The following CCNF variants were observed in gnomAD, a reference collection of about 807,000 sequenced individuals.
CCNF encodes cyclin F.
In CCNF, 30 loss-of-function variants were observed where a neutral mutation model predicts 85.4. The observed-to-expected ratio is 0.35, with a 90% CI of 0.26 to 0.48. The LOEUF (loss-of-function observed/expected upper bound fraction) is 0.48, where lower values mean the gene tolerates loss of function less well. CCNF is among the 20% of genes least tolerant of loss of function. The pLI is 0.99. For synonymous variants in CCNF, 439 were observed against 425.1 expected (o/e 1.03, Z -0.40); for missense variants, 919 against 1,010.4 (o/e 0.91, Z 1.23).
intron 9 of CCNF, among the ~76,000 whole-genome samples, chr16:2,444,927 C>T (rs563045067): frequency 8.1e-5 from 12 of 147,682 alleles, no homozygotes; most frequent in Admixed American, 1.4e-4. Context: ...GGCAGGCTGT[C>T]TGTCACCCAG....
intron 2 of CCNF, among the ~76,000 whole-genome samples, 166 bp downstream of exon 2, chr16:2,431,450 G>C (rs1016938098): frequency 3.9e-5 from 6 of 152,110 alleles, no homozygotes; most frequent in African/African-American, 1.2e-4. Flanking sequence ...GGCCGAAGGG[G>C]GGTGGATCAC....
At position 2,431,229 on chromosome 16, in the gene CCNF, T is replaced by C; in HGVS notation, c.116T>C (p.Val39Ala). Reference protein sequence around the residue: ...NLTILSLPEDVLFHILKWLSV... With the variant: ...NLTILSLPEDALFHILKWLSV... The stretch of plus-strand genomic sequence containing the variant: ...ACCATCTTGAGTCTCCCCGAAGATG[T>C]GCTCTTTCACATCCTGAAATGGCTT... The change falls in exon 2 of 17, where the codon GTG becomes GCG. Residue 39 changes from valine to alanine, a missense_variant. Coordinates refer to ENST00000397066, the MANE Select transcript of CCNF (RefSeq NM_001761.3). The C allele has an allele frequency of 6.2e-7, 1 of 1,614,172 alleles. No individual in the cohort carries two copies. The highest frequency in any genetic ancestry group is 1.1e-5 in the South Asian group (1 of 91,086).
intron 5 of CCNF, 166 bp from the exon 6 acceptor site, chr16:2,437,904 A>AT (rs1491373949): frequency 1.8e-5 from 1 of 54,306 alleles, no homozygotes; most frequent in East Asian, 2.4e-4. Flanking sequence ...GTTTCCCTTT[A>AT]AAAAAAAAAA....
At chr16:2,442,660 TATATA>T (rs1485905188) in intron 8 of CCNF, among the ~76,000 whole-genome samples, 1 of 22,488 alleles carries the variant, frequency 4.4e-5, no homozygotes, top group Non-Finnish European at 5.9e-5. Context: ...TTATATATAA[TATATA>T]ATATTATATA....
In CCNF at chr16:2,435,759, G is replaced by A. The variant is rs187867648; in HGVS notation, c.279-47G>A. On this transcript the variant is annotated intron_variant, in intron 3 of 16. Transcript: ENST00000397066. ...TTCAAGTGCTGTAGTAGTTCATAAC[G>A]TTTGTGGCATAAAATATTGTGATGC... 4.7e-4 allele frequency: 681 copies of A among 1,444,702 alleles called. 1 individual carries two copies. Among genetic ancestry groups the A allele is most frequent in the South Asian group, 8.4e-4 (73 of 87,330 alleles). 89.5% of individuals were successfully genotyped at this position (1,444,702 alleles called of 1,614,324 possible).
intron 8 of CCNF, among the ~76,000 whole-genome samples, chr16:2,440,113 C>T (rs1369794303): frequency 1.3e-5 from 2 of 152,226 alleles, no homozygotes; most frequent in African/African-American, 4.8e-5. Flanking sequence ...TAGCTGCTGT[C>T]AAAATTTGTG....
chr16:2,433,057 C>T lies in CCNF; in HGVS notation c.268C>T (p.Leu90Phe). 6.2e-7 allele frequency: 1 copy of T among 1,606,226 alleles called. No individual in the cohort carries two copies. Among genetic ancestry groups the T allele is most frequent in the Non-Finnish European group, 8.5e-7 (1 of 1,173,914 alleles). ...ELWPSPGNLK[L>F]FERAAEKGNF... ...GTGGCCGTCTCCAGGGAACCTGAAG[C>T]TCTTTGAAAGGTATCTCTGCACCCT... is the stretch of plus-strand genomic sequence containing the variant. The change falls in exon 3 of 17, where the codon CTC becomes TTC. Residue 90 changes from leucine to phenylalanine, a missense_variant. Coordinates refer to ENST00000397066, the MANE Select transcript of CCNF (RefSeq NM_001761.3).
Position 2,458,504 on chromosome 16 carries a change from T to G in CCNF, c.*1484T>G, listed in dbSNP as rs953151690. ...ACCTCAAGTGATCCGCCCACTTCGG[T>G]CTCCCAAAGTGCTGGGATTACAGGC... On this transcript the variant is annotated 3_prime_UTR_variant, in exon 17 of 17. Coordinates refer to ENST00000397066, the MANE Select transcript of CCNF (RefSeq NM_001761.3). 8.5e-5 allele frequency: 13 copies of G among 152,210 alleles called. No homozygotes were observed. Among genetic ancestry groups the G allele is most frequent in the Admixed American group, 8.5e-4 (13 of 15,270 alleles). The allele number at this position is 152,210 out of a possible 1,614,324, so 9.4% of individuals were successfully genotyped here.
At chr16:2,447,687 G>T (rs1460156793) in intron 10 of CCNF, among the ~76,000 whole-genome samples, 1 of 152,024 alleles carries the variant, frequency 6.6e-6, no homozygotes, top group Non-Finnish European at 1.5e-5. Context: ...GGAGGCGGAG[G>T]TTGCAGTGAG....
chr16:2,441,158 C>T (rs1327580583), intron 8 of CCNF, among the ~76,000 whole-genome samples: 1 of 151,826 alleles, frequency 6.6e-6, no homozygotes, highest in Admixed American at 6.6e-5. Context: ...TGCTTGAACC[C>T]AGGAGGAGGA....
chr16:2,457,133 G>A lies in CCNF; in HGVS notation c.*113G>A, dbSNP rs1001870084. 10 of 781,576 alleles carry A rather than the reference G, an allele frequency of 1.3e-5. No individual in the cohort carries two copies. The highest frequency in any genetic ancestry group is 2.0e-5 in the Non-Finnish European group (10 of 502,216). The allele number at this position is 781,576 out of a possible 1,614,324, so 48.4% of individuals were successfully genotyped here. ...CATGGAGGCCTTTGCGCAGAGAGCA[G>A]AGAGGATGACTTGCGGCCACCAAGT... is the stretch of plus-strand genomic sequence containing the variant. On this transcript the variant is annotated 3_prime_UTR_variant, in exon 17 of 17. Transcript: ENST00000397066.
intron 2 of CCNF, 45 bp from the exon 3 acceptor site, chr16:2,432,916 G>C: frequency 8.2e-7 from 1 of 1,220,370 alleles, no homozygotes; most frequent in South Asian, 1.3e-5. Flanking sequence ...TGGGGCTTTT[G>C]GGTGGTGCCT....
chr16:2,441,351 G>A (rs996619017), intron 8 of CCNF, among the ~76,000 whole-genome samples: 15 of 152,148 alleles, frequency 9.9e-5, no homozygotes, highest in Non-Finnish European at 1.5e-4. Flanking sequence ...AGCCGTGATC[G>A]CAACATTGCA....
intron 1 of CCNF, among the ~76,000 whole-genome samples, chr16:2,430,574 C>T (rs755625264): frequency 3.3e-5 from 5 of 152,138 alleles, no homozygotes; most frequent in Non-Finnish European, 5.9e-5. Flanking sequence ...AGAGGGCACA[C>T]TGAGACTCTG....
chr16:2,453,165 G>T lies in CCNF; in HGVS notation c.1488-45G>T. 6.5e-7 allele frequency: 1 copy of T among 1,531,968 alleles called. No homozygotes were observed. Among genetic ancestry groups the T allele is most frequent in the East Asian group, 2.3e-5 (1 of 44,414 alleles). The allele number at this position is 1,531,968 out of a possible 1,614,324, so 94.9% of individuals were successfully genotyped here. ...TTCAGTGAACTGAAGCTAAAAATGG[G>T]GTGGGGGTGCCTCACATGTCCACTC... On this transcript the variant is annotated intron_variant, in intron 13 of 16. Transcript: ENST00000397066. This position sits in a 1 kb window ranked among gnomAD's most constrained non-coding sequence, Gnocchi z 5.6.
In CCNF at chr16:2,456,939, T is replaced by A. The variant is rs2141833993; in HGVS notation, c.2280T>A (p.Val760=). ...CRPPSPPESS[V]PQQQVKRINL... is the part of the protein sequence containing the mutation. Reference sequence around the variant, plus strand: ...CCCCAAGTCCCCCGGAGAGCAGTGTTCCCCAGCAACAGGTGAAGCGGATAA... The same window carrying A: ...CCCCAAGTCCCCCGGAGAGCAGTGTACCCCAGCAACAGGTGAAGCGGATAA... The change falls in exon 17 of 17, where the codon GTT becomes GTA. Residue 760 remains valine, a synonymous_variant. Transcript: ENST00000397066. This position sits in a 1 kb window ranked among gnomAD's most constrained non-coding sequence, Gnocchi z 4.5. The A allele has an allele frequency of 6.2e-7, 1 of 1,613,940 alleles. No individual in the cohort carries two copies. The highest frequency in any genetic ancestry group is 8.5e-7 in the Non-Finnish European group (1 of 1,179,958).
chr16:2,439,491 A>G, intron 7 of CCNF, 34 bp downstream of exon 7: 7 of 1,479,850 alleles, frequency 4.7e-6, no homozygotes, highest in Non-Finnish European at 6.6e-6. Flanking sequence ...GGGGGGAGTT[A>G]TGCTGGACAA....
chr16:2,449,825 C>T lies in CCNF; in HGVS notation c.1400-3C>T, dbSNP rs2065384425. The T allele has an allele frequency of 6.6e-7, 1 of 1,513,858 alleles. No homozygotes were observed. The highest frequency in any genetic ancestry group is 9.0e-7 in the Non-Finnish European group (1 of 1,117,064). The allele number at this position is 1,513,858 out of a possible 1,614,324, so 93.8% of individuals were successfully genotyped here. On this transcript the variant is annotated splice_region_variant and splice_polypyrimidine_tract_variant and intron_variant, in intron 12 of 16. Coordinates refer to ENST00000397066, the MANE Select transcript of CCNF (RefSeq NM_001761.3). ...TCCACCCCTGGCCTGCTTTCCTCCC[C>T]AGCACAGCCCTGGACCACTCAGCTG...
intron 1 of CCNF, among the ~76,000 whole-genome samples, 176 bp downstream of exon 1, chr16:2,429,673 C>A (rs2141810551): frequency 6.6e-6 from 1 of 152,212 alleles, no homozygotes. Context: ...CGGCCGGGCG[C>A]GCGGTTTAAA....
Sources: allele counts gnomAD v4.1 joint callset (sites outside exome capture counted in the v4.1 genomes callset), GRCh38; gene constraint gnomAD v4.1.1; non-coding constraint Gnocchi (gnomAD v3.1); transcripts MANE v1.5; gene names NCBI Gene and HGNC (gene_info 2026-07-23, HGNC 2026-07-21).